ADGB: variants seen among roughly 807,000 people sequenced by gnomAD.
ADGB encodes androglobin.
A neutral mutation model predicts 210.5 loss-of-function variants in ADGB; 172 were observed. The ratio of observed to expected loss-of-function variants is 0.82; its 90% confidence interval spans 0.72 to 0.93. ADGB has a LOEUF of 0.93. ADGB is among the 40% of genes least tolerant of loss of function. The pLI, the probability that ADGB is intolerant of heterozygous loss-of-function variation, is 0.00. For missense variants in ADGB, 2,025 were observed against 1,964.8 expected (o/e 1.03, Z -0.58); for synonymous variants, 658 against 662.7 (o/e 0.99, Z 0.11).
At chr6:146,711,254 A>G (rs1776652350) in intron 13 of ADGB, among the ~76,000 whole-genome samples, 1 of 152,210 alleles carries the variant, frequency 6.6e-6, no homozygotes, top group African/African-American at 2.4e-5. Context: ...TCACTTTACT[A>G]TAGGAAGCAT....
intron 30 of ADGB, among the ~76,000 whole-genome samples, chr6:146,782,657 G>T (rs1214940852): frequency 1.3e-5 from 2 of 152,148 alleles, no homozygotes; most frequent in East Asian, 3.9e-4. Flanking sequence ...AAGCATTAAA[G>T]TATGAGAGAT....
intron 35 of ADGB, among the ~76,000 whole-genome samples, chr6:146,808,434 G>C (rs963406467): frequency 6.6e-6 from 1 of 152,160 alleles, no homozygotes; most frequent in Non-Finnish European, 1.5e-5. Context: ...TGTAGAGAGC[G>C]TGTGATCTCA....
chr6:146,791,560 C>G (rs1777956510), intron 33 of ADGB, among the ~76,000 whole-genome samples: 1 of 152,046 alleles, frequency 6.6e-6, no homozygotes, highest in Non-Finnish European at 1.5e-5. Context: ...CCAGGCTAGT[C>G]TCAAATTTAT....
At chr6:146,704,438 G>C (rs1373242021) in intron 13 of ADGB, among the ~76,000 whole-genome samples, 1 of 151,926 alleles carries the variant, frequency 6.6e-6, no homozygotes, top group African/African-American at 2.4e-5. Context: ...CATACATTCA[G>C]CATACATTCA....
intron 13 of ADGB, among the ~76,000 whole-genome samples, chr6:146,710,296 T>G (rs1204282717): frequency 6.6e-6 from 1 of 151,954 alleles, no homozygotes; most frequent in African/African-American, 2.4e-5. Flanking sequence ...CTGATTTTTG[T>G]GTATGATATA....
Position 146,746,022 on chromosome 6 carries a change from G to T in ADGB, c.3278G>T (p.Cys1093Phe). ...RLIGSSAPLP[C>F]LSRDSPCNSF... is the part of the protein sequence containing the mutation. Reference sequence around the variant, plus strand: ...ATCGGTTCTTCTGCTCCACTGCCATGCCTCTCTCGAGACTCTCCATGCAAT... The same window carrying T: ...ATCGGTTCTTCTGCTCCACTGCCATTCCTCTCTCGAGACTCTCCATGCAAT... Residue 1093 changes from cysteine (C) to phenylalanine (F), a missense_variant, in exon 26 of 36, where the codon TGC (cysteine) becomes TTC (phenylalanine). Physicochemically the swap from Cys to Phe is radical, Grantham distance 205. Transcript: ENST00000397944. 1 of 1,551,278 alleles carries T rather than the reference G, an allele frequency of 6.4e-7. No individual in the cohort carries two copies. Among genetic ancestry groups the T allele is most frequent in the Non-Finnish European group, 8.7e-7 (1 of 1,146,758 alleles).
intron 29 of ADGB, among the ~76,000 whole-genome samples, chr6:146,776,371 A>G (rs1206533062): frequency 1.3e-5 from 2 of 152,112 alleles, no homozygotes; most frequent in Non-Finnish European, 2.9e-5. Context: ...TAATCAGTAT[A>G]TATTATTAGT....
chr6:146,808,528 A>AT (rs1778247770), intron 35 of ADGB, among the ~76,000 whole-genome samples: 1 of 152,170 alleles, frequency 6.6e-6, no homozygotes, highest in South Asian at 2.1e-4. Flanking sequence ...GAACAATGCA[A>AT]TGAGTGGATT....
intron 29 of ADGB, among the ~76,000 whole-genome samples, chr6:146,774,638 T>C (rs555461831): frequency 1.3e-5 from 2 of 152,310 alleles, no homozygotes; most frequent in South Asian, 4.1e-4. Flanking sequence ...TAATGTCATG[T>C]TTATAAATAT....
At position 146,724,336 on chromosome 6, in the gene ADGB, T is replaced by C. The variant is rs1246167516; in HGVS notation, c.2237+9T>C. On this transcript the variant is annotated intron_variant, in intron 18 of 35. Transcript: ENST00000397944. ...GTTCGTCTGCCTGTTGGGTATGAAG[T>C]GGCTTCATTTTTCCCATAATAAAAA... The C allele has an allele frequency of 1.1e-5, 17 of 1,499,090 alleles. No individual in the cohort carries two copies. The highest frequency in any genetic ancestry group is 9.8e-6 in the Non-Finnish European group (11 of 1,125,756). The allele number at this position is 1,499,090 out of a possible 1,614,324, so 92.9% of individuals were successfully genotyped here.
chr6:146,746,023 C>T lies in ADGB; in HGVS notation c.3279C>T (p.Cys1093=), dbSNP rs1478080634. 2 of 1,551,240 alleles carry T rather than the reference C, an allele frequency of 1.3e-6. No individual in the cohort carries two copies. The highest frequency in any genetic ancestry group is 1.2e-5 in the South Asian group (1 of 84,028). Residue 1093 remains cysteine (C), a synonymous_variant, in exon 26 of 36, where the codon TGC becomes TGT. Coordinates refer to ENST00000397944, the MANE Select transcript of ADGB (RefSeq NM_024694.4). ...RLIGSSAPLP[C]LSRDSPCNSF... is the part of the protein sequence containing the mutation. ...TCGGTTCTTCTGCTCCACTGCCATG[C>T]CTCTCTCGAGACTCTCCATGCAATT... is the stretch of plus-strand genomic sequence containing the variant.
intron 20 of ADGB, 54 bp downstream of exon 20, chr6:146,728,795 G>C: frequency 8.5e-6 from 12 of 1,407,044 alleles, no homozygotes; most frequent in Admixed American, 2.3e-5. Context: ...TTTCAAAATG[G>C]TATATCTTCC....
intron 35 of ADGB, among the ~76,000 whole-genome samples, chr6:146,813,639 T>G (rs1778336123): frequency 2.0e-5 from 3 of 152,214 alleles, no homozygotes; most frequent in Admixed American, 2.0e-4. Flanking sequence ...CGCAAAAGTT[T>G]GTTTAATTAA....
chr6:146,784,024 A>G (rs1777837732), intron 30 of ADGB, among the ~76,000 whole-genome samples: 1 of 152,232 alleles, frequency 6.6e-6, no homozygotes, highest in Admixed American at 6.6e-5. Flanking sequence ...TTTAAGTAAA[A>G]TTTGCATACA....
intron 3 of ADGB, among the ~76,000 whole-genome samples, chr6:146,649,946 C>T (rs1208216825): frequency 6.6e-6 from 1 of 152,086 alleles, no homozygotes; most frequent in Non-Finnish European, 1.5e-5. Context: ...ATACATATAC[C>T]TAAACATATC....
At chr6:146,778,046 C>G (rs780201984) in intron 29 of ADGB, among the ~76,000 whole-genome samples, 2 of 152,186 alleles carry the variant, frequency 1.3e-5, no homozygotes, top group Non-Finnish European at 2.9e-5. Context: ...ACAGACTTGT[C>G]TGGCAGCACG....
intron 29 of ADGB, among the ~76,000 whole-genome samples, chr6:146,780,786 A>G (rs1240093555): frequency 6.6e-6 from 1 of 152,144 alleles, no homozygotes; most frequent in Non-Finnish European, 1.5e-5. Flanking sequence ...ATGAGTAGAC[A>G]AACTAAACAG....
At chr6:146,732,885 T>C (rs188347078) in intron 20 of ADGB, among the ~76,000 whole-genome samples, 65 of 152,258 alleles carry the variant, frequency 4.3e-4, no homozygotes, top group Non-Finnish European at 7.8e-4. Flanking sequence ...TGTATTTTCA[T>C]TGAGTCTATA....
chr6:146,755,427 G>A (rs975907294), intron 27 of ADGB, among the ~76,000 whole-genome samples: 2 of 152,070 alleles, frequency 1.3e-5, no homozygotes, highest in African/African-American at 4.8e-5. Context: ...CTATTTTCGG[G>A]ATAGTAAGTG....
Sources: gnomAD v4.1 joint callset for allele counts (sites outside exome capture counted in the v4.1 genomes callset) on GRCh38, gnomAD v4.1.1 for gene constraint, MANE v1.5 for transcripts, NCBI Gene and HGNC (gene_info 2026-07-23, HGNC 2026-07-21) for gene names.